The following XRN1 variants were observed in gnomAD, a reference collection of about 807,000 sequenced individuals.
XRN1 encodes the protein 5'-3' exoribonuclease 1.
Under a neutral mutation model 222.3 loss-of-function variants are expected in XRN1, and 67 were observed. That is an observed-to-expected ratio of 0.30 (90% confidence interval 0.25 to 0.37). The LOEUF is 0.37. XRN1 is among the 10% of genes least tolerant of loss of function. XRN1 has a pLI of 1.00. For synonymous variants in XRN1, 643 were observed against 652.4 expected, an observed-to-expected ratio of 0.99 and a Z score of 0.22; for missense variants, 1,707 against 2,000.2, an observed-to-expected ratio of 0.85 and a Z score of 2.80.
At chr3:142,392,240 T>C (rs900390448) in intron 20 of XRN1, among the ~76,000 whole-genome samples, 1 of 152,156 alleles carries the variant, frequency 6.6e-6, no homozygotes, top group African/African-American at 2.4e-5. Context: ...AATGTCTACA[T>C]GTATGATCTA....
rs35580489 is a variant in XRN1, at chr3:142,361,893, GT to G, written c.3395-1963del. On this transcript the variant is annotated intron_variant, in intron 29 of 40. Transcript: ENST00000392981. ...TCTGTAATGGTGTCTTTTGAAGAGA[GT>G]TTTTTTTTTTTTTAATTTCGATGAA... 6.6e-3 allele frequency among the ~76,000 whole-genome samples: 804 copies of G among 122,088 alleles called. 11 individuals are homozygous for G. Among genetic ancestry groups the G allele is most frequent in the African/African-American group, 0.023 (726 of 32,104 alleles). 80.1% of individuals were successfully genotyped at this position (122,088 alleles called of 152,430 possible).
At position 142,397,351 on chromosome 3, in the gene XRN1, C is replaced by A; in HGVS notation, c.2317G>T (p.Glu773Ter). 1 of 1,593,612 alleles carries A rather than the reference C, an allele frequency of 6.3e-7. No individual in the cohort carries two copies. The highest frequency in any genetic ancestry group is 8.5e-7 in the Non-Finnish European group (1 of 1,169,826). ...GDKEQSNWAKEVQGISEHYLR... is the reference protein window; with the variant it reads ...GDKEQSNWAK ...CACTGTTCTGAAATTCCTTGTACTT[C>A]TTTTGCCCAGTTAGATTGTTCTTTA... The change falls in exon 20 of 41, where the codon GAA (glutamate) becomes TAA (stop). Residue 773 changes from glutamate to a stop codon, truncating the protein, a stop_gained. Transcript: ENST00000392981. LOFTEE classifies it high-confidence loss of function.
At chr3:142,369,677 G>A (rs999808459) in intron 27 of XRN1, among the ~76,000 whole-genome samples, 1 of 149,740 alleles carries the variant, frequency 6.7e-6, no homozygotes, top group African/African-American at 2.5e-5. Context: ...AAAAACAAGA[G>A]TATATTTTAG....
intron 20 of XRN1, among the ~76,000 whole-genome samples, chr3:142,387,364 G>A (rs1399744691): frequency 6.6e-6 from 1 of 152,160 alleles, no homozygotes; most frequent in Admixed American, 6.6e-5. Flanking sequence ...GTGTACAAGG[G>A]ACTTCCTTGG....
Position 142,356,996 on chromosome 3 carries a change from A to T in XRN1, c.3588T>A (p.His1196Gln). 6.2e-7 allele frequency: 1 copy of T among 1,614,084 alleles called. No individual in the cohort carries two copies. The highest frequency in any genetic ancestry group is 1.3e-5 in the African/African-American group (1 of 75,050). ...AAACTGATGAACTTGAGCTATGTTG[A>T]TGTACAGCTGGTTGTGGTTTTACGA... ...TAIVKPQPAV[H>Q]QHSSSSSVSS... Residue 1196 changes from histidine to glutamine, a missense_variant, in exon 31 of 41, where the codon CAT becomes CAA. His to Gln is a conservative substitution (Grantham distance 24). Transcript: ENST00000392981.
At chr3:142,423,067 G>A in intron 6 of XRN1, 145 bp from the exon 7 acceptor site, 14 of 627,278 alleles carry the variant, frequency 2.2e-5, no homozygotes, top group East Asian at 5.6e-5. Flanking sequence ...AAGGTTGCAG[G>A]GTAACAAAGA....
At chr3:142,339,015 C>T (rs948298572) in intron 33 of XRN1, among the ~76,000 whole-genome samples, 1 of 152,202 alleles carries the variant, frequency 6.6e-6, no homozygotes, top group African/African-American at 2.4e-5. Flanking sequence ...TAAGGGAACA[C>T]ACTTCCCTAA....
At chr3:142,348,969 T>C (rs2066230487) in intron 32 of XRN1, among the ~76,000 whole-genome samples, 1 of 151,584 alleles carries the variant, frequency 6.6e-6, no homozygotes, top group Admixed American at 6.6e-5. Flanking sequence ...TTTTTGTTTT[T>C]GAGACAGGGT....
chr3:142,392,335 T>A (rs1453921630), intron 20 of XRN1, among the ~76,000 whole-genome samples: 2 of 152,160 alleles, frequency 1.3e-5, no homozygotes, highest in East Asian at 3.8e-4. Context: ...CTTTTTTTTT[T>A]TTTTTATTAT....
chr3:142,386,858 A>G (rs1351785186), intron 20 of XRN1, among the ~76,000 whole-genome samples: 13 of 152,192 alleles, frequency 8.5e-5, no homozygotes, highest in Admixed American at 7.2e-4. Context: ...ACAGAAATCA[A>G]CATAAGTTCT....
intron 3 of XRN1, among the ~76,000 whole-genome samples, chr3:142,426,306 TTAAC>T (rs1382421709): frequency 1.3e-5 from 2 of 152,304 alleles, no homozygotes; most frequent in African/African-American, 4.8e-5. Flanking sequence ...CATAAAAATC[TTAAC>T]TAATTTTGAG....
chr3:142,355,623 G>C (rs1339770549), intron 31 of XRN1, 127 bp from the exon 32 acceptor site: 32 of 543,912 alleles, frequency 5.9e-5, no homozygotes, highest in Non-Finnish European at 8.3e-5. Context: ...TTTTTTTTTT[G>C]ACTTGGGGTC....
intron 29 of XRN1, among the ~76,000 whole-genome samples, chr3:142,360,994 A>G (rs1274787920): frequency 6.6e-6 from 1 of 152,246 alleles, no homozygotes; most frequent in East Asian, 1.9e-4. Flanking sequence ...ATAATTAACC[A>G]TAAAGCCATG....
At chr3:142,333,365 A>C (rs2065758142) in intron 34 of XRN1, among the ~76,000 whole-genome samples, 1 of 152,210 alleles carries the variant, frequency 6.6e-6, no homozygotes, top group Non-Finnish European at 1.5e-5. Flanking sequence ...AGTCTATTAA[A>C]AAAGTAAGAA....
At chr3:142,396,354 G>A (rs918288280) in intron 20 of XRN1, among the ~76,000 whole-genome samples, 1 of 152,114 alleles carries the variant, frequency 6.6e-6, no homozygotes, top group African/African-American at 2.4e-5. Flanking sequence ...GAATAAAGAA[G>A]TAACAAAAAC....
intron 14 of XRN1, 42 bp downstream of exon 14, chr3:142,414,093 A>G: frequency 6.7e-7 from 1 of 1,492,718 alleles, no homozygotes; most frequent in South Asian, 1.4e-5. Flanking sequence ...AGAGCTTCTA[A>G]ATATCAAAAA....
intron 25 of XRN1, among the ~76,000 whole-genome samples, chr3:142,373,275 A>T (rs1247815800): frequency 6.6e-6 from 1 of 152,028 alleles, no homozygotes; most frequent in African/African-American, 2.4e-5. Context: ...ATAAACAATA[A>T]AGTTGAATGA....
At chr3:142,441,640 T>C (rs891966173) in intron 1 of XRN1, among the ~76,000 whole-genome samples, 1 of 152,222 alleles carries the variant, frequency 6.6e-6, no homozygotes, top group African/African-American at 2.4e-5. Flanking sequence ...GGACACCTCA[T>C]GATGTGAATG....
intron 33 of XRN1, among the ~76,000 whole-genome samples, chr3:142,338,870 A>C (rs1560303244): frequency 6.6e-6 from 1 of 152,198 alleles, no homozygotes; most frequent in South Asian, 2.1e-4. Flanking sequence ...CTGCCCGCAG[A>C]AAGTGAAGGG....
Sources: gnomAD v4.1 joint callset for allele counts (sites outside exome capture counted in the v4.1 genomes callset) on GRCh38, gnomAD v4.1.1 for gene constraint, MANE v1.5 for transcripts, NCBI Gene and HGNC (gene_info 2026-07-23, HGNC 2026-07-21) for gene names.